The following ZNF532 variants were observed in gnomAD, a reference collection of about 807,000 sequenced individuals.
ZNF532 encodes zinc finger protein 532.
ZNF532 carries 22 observed loss-of-function variants against 89.3 expected under a neutral mutation model. That is an observed-to-expected ratio of 0.25 (90% CI 0.18 to 0.35). The LOEUF (loss-of-function observed/expected upper bound fraction) is 0.35. Among genes scored for constraint, ZNF532 ranks in the 10% least tolerant of loss-of-function variants. ZNF532 has a pLI of 1.00. For synonymous variants in ZNF532, 606 were observed against 649.6 expected, an observed-to-expected ratio of 0.93 and a Z score of 1.02; for missense variants, 1,132 against 1,643.4, an observed-to-expected ratio of 0.69 and a Z score of 5.38.
chr18:58,903,379 G>A (rs962987838), intron 2 of ZNF532, among the ~76,000 whole-genome samples: 1 of 152,156 alleles, frequency 6.6e-6, no homozygotes, highest in Non-Finnish European at 1.5e-5. Context: ...CAAGAAGTTT[G>A]GACTTAATTT....
rs1275989672 is a variant in ZNF532 at position 58,918,923 on chromosome 18, G to C, written c.636G>C (p.Leu212=). ...AAACAGAAGCCAGTTCTATAAACCT[G>C]AGTGTTTATGAACCTTTTAAAGTCA... The part of the protein sequence containing the change: ...KRETEASSIN[L]SVYEPFKVRK... The change falls in exon 3 of 10, where the codon CTG becomes CTC. Residue 212 remains leucine, a synonymous_variant. Coordinates refer to ENST00000591808, the MANE Select transcript of ZNF532 (RefSeq NM_001375912.1). 1.2e-6 allele frequency: 2 copies of C among 1,613,916 alleles called. No individual in the cohort carries two copies.
chr18:58,939,896 T>A, intron 5 of ZNF532: 1 of 138,636 alleles, frequency 7.2e-6, no homozygotes, highest in East Asian at 1.8e-4. Context: ...TTAAGATGAA[T>A]TTTTTTTTTT....
At chr18:58,888,786 A>AAATTAATATATATAATTTATATATATAT (rs1357037600) in intron 2 of ZNF532, among the ~76,000 whole-genome samples, 1 of 6,198 alleles carries the variant, frequency 1.6e-4, no homozygotes, top group Admixed American at 3.5e-3. Context: ...TATATATATA[A>AAATTAATATATATAATTTATATATATAT]AATATATATA....
chr18:58,934,260 A>T (rs1603225016), intron 3 of ZNF532, 173 bp from the exon 4 acceptor site: 1 of 582,794 alleles, frequency 1.7e-6, no homozygotes, highest in South Asian at 2.6e-5. Context: ...CAGGATAGAG[A>T]ATTGTACGCT....
chr18:58,893,324 G>A (rs967173189), intron 2 of ZNF532, among the ~76,000 whole-genome samples: 7 of 152,134 alleles, frequency 4.6e-5, no homozygotes, highest in Non-Finnish European at 1.0e-4. Context: ...AGAAATCAAT[G>A]AATCTCTTGC....
chr18:58,884,240 T>TGCGCTGGGC (rs1487884830), intron 2 of ZNF532, among the ~76,000 whole-genome samples: 1 of 152,154 alleles, frequency 6.6e-6, no homozygotes, highest in African/African-American at 2.4e-5. Flanking sequence ...ATTAGCTGGG[T>TGCGCTGGGC]GCGCTGGGCG....
intron 2 of ZNF532, among the ~76,000 whole-genome samples, chr18:58,884,246 G>A (rs1477540730): frequency 6.6e-6 from 1 of 152,176 alleles, no homozygotes; most frequent in Non-Finnish European, 1.5e-5. Context: ...TGGGTGCGCT[G>A]GGCGCGCTCC....
intron 3 of ZNF532, among the ~76,000 whole-genome samples, chr18:58,932,077 G>T (rs2062011145): frequency 6.6e-6 from 1 of 152,178 alleles, no homozygotes; most frequent in African/African-American, 2.4e-5. Flanking sequence ...TAAAGGCAAG[G>T]TCTCTAGTGT....
At chr18:58,953,415 T>C (rs1182610529) in intron 6 of ZNF532, 103 bp from the exon 7 acceptor site, 4 of 938,472 alleles carry the variant, frequency 4.3e-6, no homozygotes, top group Non-Finnish European at 4.8e-6. Context: ...TGAATGAATA[T>C]AAACTGGTGT....
chr18:58,873,106 C>G (rs922233432), intron 2 of ZNF532, among the ~76,000 whole-genome samples: 2 of 151,818 alleles, frequency 1.3e-5, no homozygotes, highest in Non-Finnish European at 2.9e-5. Context: ...CCCCAGGGCT[C>G]AAGTGATCCT....
chr18:58,878,438 G>A (rs891832923), intron 2 of ZNF532, among the ~76,000 whole-genome samples: 4 of 152,240 alleles, frequency 2.6e-5, no homozygotes, highest in Non-Finnish European at 5.9e-5. Context: ...CGAAAGATCT[G>A]TGATCTGTGG....
rs901569360 is a variant in ZNF532 at position 58,910,230 on chromosome 18, G to A, written c.-17-8041G>A. On this transcript the variant is annotated intron_variant, in intron 2 of 9. Coordinates refer to ENST00000591808, the MANE Select transcript of ZNF532 (RefSeq NM_001375912.1). ...CAATACTACTAACTAGATTTCAGCA[G>A]TTTTTTACTAGAGGATGGTGTTTGT... 2.6e-4 allele frequency among the ~76,000 whole-genome samples: 40 copies of A among 152,142 alleles called. 1 individual carries two copies. Among genetic ancestry groups the A allele is most frequent in the African/African-American group, 8.9e-4 (37 of 41,436 alleles).
intron 7 of ZNF532, among the ~76,000 whole-genome samples, chr18:58,966,741 T>TTG (rs1568442120): frequency 1.3e-4 from 12 of 89,954 alleles, no homozygotes; most frequent in African/African-American, 1.2e-4. Context: ...TTTTTGTGTT[T>TTG]TTTTTTTTTT....
rs1568246182 is a variant in ZNF532 at position 58,888,774 on chromosome 18, TATATATATATAAA to T, written c.-18+23205_-18+23217del. ...ATATATAAAATTAATATATATAATT[TATATATATATAAA>T]ATATATATAATTTATATATATAAAA... On this transcript the variant is annotated intron_variant, in intron 2 of 9. Transcript: ENST00000591808. 6.5e-3 allele frequency among the ~76,000 whole-genome samples: 372 copies of T among 57,144 alleles called. 17 individuals are homozygous for T. Among genetic ancestry groups the T allele is most frequent in the Admixed American group, 8.5e-3 (27 of 3,178 alleles). 37.5% of individuals were successfully genotyped at this position (57,144 alleles called of 152,430 possible).
At chr18:58,983,601 C>A (rs958905019) in intron 9 of ZNF532, among the ~76,000 whole-genome samples, 2 of 126,910 alleles carry the variant, frequency 1.6e-5, no homozygotes, top group Non-Finnish European at 3.1e-5. Flanking sequence ...ACACATATAC[C>A]CCCCCCTTGC....
At chr18:58,956,737 G>A (rs534443086) in intron 7 of ZNF532, among the ~76,000 whole-genome samples, 69 of 152,226 alleles carry the variant, frequency 4.5e-4, no homozygotes, top group African/African-American at 1.6e-3. Flanking sequence ...ATGTGTTCCT[G>A]TCTTTACCTC....
chr18:58,875,931 C>CTTTT (rs71173091), intron 2 of ZNF532, among the ~76,000 whole-genome samples: 8,328 of 112,690 alleles, frequency 0.074, 563 homozygotes, highest in Non-Finnish European at 0.093. Flanking sequence ...ACTTGGGGAT[C>CTTTT]TTTTTTTTTT....
At chr18:58,911,450 C>T (rs1237326771) in intron 2 of ZNF532, among the ~76,000 whole-genome samples, 5 of 152,126 alleles carry the variant, frequency 3.3e-5, no homozygotes, top group African/African-American at 1.2e-4. Flanking sequence ...AGCCTTAGGC[C>T]AGGCAGGGTT....
At chr18:58,890,857 T>G (rs1242952488) in intron 2 of ZNF532, among the ~76,000 whole-genome samples, 1 of 151,446 alleles carries the variant, frequency 6.6e-6, no homozygotes, top group African/African-American at 2.4e-5. Context: ...CTTCTTAAAC[T>G]ATTTTTTTAG....
Sources: allele counts gnomAD v4.1 joint callset (sites outside exome capture counted in the v4.1 genomes callset), GRCh38; gene constraint gnomAD v4.1.1; transcripts MANE v1.5; gene names NCBI Gene and HGNC (gene_info 2026-07-23, HGNC 2026-07-21).